The following NAV1 variants were observed in gnomAD, a reference collection of about 807,000 sequenced individuals.
NAV1 encodes the protein pore membrane and/or filament interacting like protein 3.
A neutral mutation model predicts 175.2 loss-of-function variants in NAV1; 18 were observed. The observed-to-expected ratio is 0.10, with a 90% CI of 0.07 to 0.15. NAV1 has a LOEUF of 0.15. NAV1 is among the 10% of genes least tolerant of loss of function. The pLI is 1.00. For synonymous variants in NAV1, 897 were observed against 978.7 expected (o/e 0.92, Z 1.56); for missense variants, 1,731 against 2,436.6 (o/e 0.71, Z 6.10).
At chr1:201,741,466 G>C (rs1386499578) in intron 3 of NAV1, among the ~76,000 whole-genome samples, 1 of 151,958 alleles carries the variant, frequency 6.6e-6, no homozygotes, top group Non-Finnish European at 1.5e-5. Flanking sequence ...TGAGATCCTG[G>C]GCTGAGTCCT....
At chr1:201,772,827 A>G (rs1325152743) in intron 3 of NAV1, among the ~76,000 whole-genome samples, 2 of 152,046 alleles carry the variant, frequency 1.3e-5, no homozygotes, top group African/African-American at 4.8e-5. Context: ...AGGTCAGGAG[A>G]TCGAGACCAT....
chr1:201,552,542 C>T (rs1665888540), intron 1 of NAV1, among the ~76,000 whole-genome samples: 1 of 152,236 alleles, frequency 6.6e-6, no homozygotes, highest in East Asian at 1.9e-4. Flanking sequence ...TTGGAGTCAG[C>T]CTGACCCGGG....
intron 8 of NAV1, among the ~76,000 whole-genome samples, chr1:201,785,880 C>T (rs941477587): frequency 2.0e-5 from 3 of 151,166 alleles, no homozygotes; most frequent in Non-Finnish European, 4.4e-5. Context: ...GCAACCTCCA[C>T]CTCCCAGATT....
chr1:201,818,051 T>C (rs887604726), intron 29 of NAV1, among the ~76,000 whole-genome samples: 3 of 151,958 alleles, frequency 2.0e-5, no homozygotes, highest in African/African-American at 7.3e-5. Flanking sequence ...GGCAACATAC[T>C]GAGACCCCAT....
intron 6 of NAV1, 61 bp from the exon 11 acceptor site, chr1:201,783,345 C>T: frequency 3.3e-6 from 5 of 1,498,652 alleles, no homozygotes; most frequent in Non-Finnish European, 4.6e-6. Context: ...TCTTTAAGGT[C>T]CTATCTGCCT....
chr1:201,786,387 A>G lies in NAV1; in HGVS notation c.2847-42A>G, dbSNP rs1404553979. Reference sequence around the variant, plus strand: ...CCGCACCAACTAAACCTCTGACCGCACTTGCTAGTCCCAGACTGAGTTCTT... The same window carrying G: ...CCGCACCAACTAAACCTCTGACCGCGCTTGCTAGTCCCAGACTGAGTTCTT... On this transcript the variant is annotated intron_variant, in intron 8 of 29. Coordinates refer to ENST00000367296, the Ensembl canonical transcript of NAV1. 5 of 1,586,706 alleles carry G rather than the reference A, an allele frequency of 3.2e-6. No individual in the cohort carries two copies. In the South Asian group the frequency reaches 4.6e-5, roughly 15 times the overall value.
At chr1:201,767,381 G>A (rs1675274248) in intron 3 of NAV1, among the ~76,000 whole-genome samples, 1 of 151,876 alleles carries the variant, frequency 6.6e-6, no homozygotes, top group Non-Finnish European at 1.5e-5. Context: ...AACCCAGGAG[G>A]TGGAGGTTGC....
Position 201,808,966 on chromosome 1 carries a change from C to T in NAV1, c.4207+95C>T. 1 of 1,477,452 alleles carries T rather than the reference C, an allele frequency of 6.8e-7. No homozygotes were observed. The highest frequency in any genetic ancestry group is 1.3e-5 in the South Asian group (1 of 77,570). 91.5% of individuals were successfully genotyped at this position (1,477,452 alleles called of 1,614,324 possible). ...CCACTTGCTTTGGTCAGGGCGGTAA[C>T]AATGCCGAAGCCAAGCAGATGCCAG... On this transcript the variant is annotated intron_variant, in intron 20 of 29. Coordinates refer to ENST00000367296, the Ensembl canonical transcript of NAV1. This position sits in a 1 kb window ranked among gnomAD's most constrained non-coding sequence, Gnocchi z 5.5.
At chr1:201,720,115 A>G (rs1187310161) in intron 3 of NAV1, among the ~76,000 whole-genome samples, 3 of 152,254 alleles carry the variant, frequency 2.0e-5, no homozygotes, top group African/African-American at 4.8e-5. Context: ...TGCAGTGCAC[A>G]GATCCTGAGC....
intron 29 of NAV1, among the ~76,000 whole-genome samples, chr1:201,819,080 C>T (rs1012609622): frequency 1.3e-5 from 2 of 152,174 alleles, no homozygotes; most frequent in Non-Finnish European, 2.9e-5. Context: ...CATGAAGCAA[C>T]ACGGTTGGTA....
chr1:201,786,447 G>A, exon 9 of NAV1: 2 of 1,613,488 alleles, frequency 1.2e-6, no homozygotes, highest in Non-Finnish European at 1.7e-6. Flanking sequence ...TTCAGTCCCA[G>A]GAGGAGACCA....
chr1:201,692,584 C>A (rs531780606), intron 1 of NAV1, among the ~76,000 whole-genome samples: 13 of 152,296 alleles, frequency 8.5e-5, no homozygotes, highest in Admixed American at 8.5e-4. Context: ...TCTGGGGAGC[C>A]ATTTCCCCCT....
chr1:201,641,763 C>T (rs550865981), intron 2 of NAV1, among the ~76,000 whole-genome samples: 78 of 152,302 alleles, frequency 5.1e-4, no homozygotes, highest in African/African-American at 1.9e-3. Context: ...GCTGGGTTCC[C>T]AGCCCTTGCT....
upstream of NAV1, among the ~76,000 whole-genome samples, chr1:201,622,169 G>C (rs1668193296): frequency 6.6e-6 from 1 of 152,186 alleles, no homozygotes; most frequent in African/African-American, 2.4e-5. Context: ...GTAGGGAATG[G>C]GCTGGAGAGG....
At chr1:201,607,772 G>A (rs569382006) in intron 2 of NAV1, among the ~76,000 whole-genome samples, 38 of 152,282 alleles carry the variant, frequency 2.5e-4, no homozygotes, top group African/African-American at 8.9e-4. Context: ...GATTATAGAT[G>A]TGAGTCACTG....
At chr1:201,690,482 A>G (rs1444586061) in intron 1 of NAV1, among the ~76,000 whole-genome samples, 43 of 107,968 alleles carry the variant, frequency 4.0e-4, no homozygotes, top group African/African-American at 1.3e-3. Context: ...GAGTATGTCT[A>G]TTTCCTCTCT....
chr1:201,602,669 T>G (rs1558014282), intron 2 of NAV1, among the ~76,000 whole-genome samples: 1 of 144,704 alleles, frequency 6.9e-6, no homozygotes, highest in African/African-American at 2.5e-5. Flanking sequence ...TTTTTTTGGT[T>G]TTTTTTTTAC....
chr1:201,709,592 C>T (rs1671811756), intron 1 of NAV1, among the ~76,000 whole-genome samples: 1 of 151,858 alleles, frequency 6.6e-6, no homozygotes, highest in South Asian at 2.1e-4. Context: ...CCAGGGGCCC[C>T]AACCCTCCAG....
chr1:201,608,667 G>C (rs1006361114), intron 2 of NAV1, among the ~76,000 whole-genome samples: 1 of 152,142 alleles, frequency 6.6e-6, no homozygotes, highest in Non-Finnish European at 1.5e-5. Context: ...CTGGGCCTTG[G>C]GCAGCTACGC....
Sources: allele counts gnomAD v4.1 joint callset (sites outside exome capture counted in the v4.1 genomes callset), GRCh38; gene constraint gnomAD v4.1.1; non-coding constraint Gnocchi (gnomAD v3.1); transcripts MANE v1.5; gene names NCBI Gene and HGNC (gene_info 2026-07-23, HGNC 2026-07-21).